Variants in KANSL3 observed in about 807,000 individuals in gnomAD.
The protein encoded by KANSL3 is KAT8 regulatory NSL complex subunit 3.
Under a neutral mutation model 89.2 loss-of-function variants are expected in KANSL3, and 16 were observed. That is an observed-to-expected ratio of 0.18 (90% CI 0.12 to 0.27). KANSL3 has a LOEUF of 0.27. KANSL3 is among the 10% of genes least tolerant of loss of function. The pLI, the probability that KANSL3 is intolerant of heterozygous loss-of-function variation, is 1.00. For missense variants in KANSL3, 879 were observed against 1,110.6 expected, an observed-to-expected ratio of 0.79 and a Z score of 2.96; for synonymous variants, 385 against 419.7, an observed-to-expected ratio of 0.92 and a Z score of 1.01.
chr2:96,584,701 T>TTATA, the KANSL3 span, among the ~76,000 whole-genome samples: 3 of 151,782 alleles, frequency 2.0e-5, no homozygotes, highest in Non-Finnish European at 4.4e-5. Flanking sequence ...AATGACAGAA[T>TTATA]TTTTTTTTAA....
At chr2:96,612,763 T>A (rs2069236341) in intron 7 of KANSL3, 55 bp downstream of exon 7, 1 of 1,401,952 alleles carries the variant, frequency 7.1e-7, no homozygotes, top group Non-Finnish European at 9.9e-7. Flanking sequence ...TTCTCCTCAA[T>A]CCTCCAAGAC....
intron 3 of KANSL3, among the ~76,000 whole-genome samples, chr2:96,627,523 CA>C (rs1424466610): frequency 1.3e-5 from 2 of 152,086 alleles, no homozygotes; most frequent in East Asian, 3.8e-4. Context: ...CCTATATACA[CA>C]AAGCTATCTG....
chr2:96,601,175 G>A (rs2067129086), intron 20 of KANSL3: 1 of 377,012 alleles, frequency 2.7e-6, no homozygotes, highest in East Asian at 1.6e-4. Context: ...GGCTGAGGCA[G>A]GAGAATTGCT....
chr2:96,586,289 A>G, the KANSL3 span, among the ~76,000 whole-genome samples: 2 of 152,100 alleles, frequency 1.3e-5, no homozygotes, highest in African/African-American at 4.8e-5. Flanking sequence ...GGGGTGATTA[A>G]AATACTACAC....
chr2:96,584,958 C>G, the KANSL3 span, among the ~76,000 whole-genome samples: 1 of 152,206 alleles, frequency 6.6e-6, no homozygotes, highest in East Asian at 1.9e-4. Context: ...TTAATGACTT[C>G]TTGAAGCGAA....
intron 16 of KANSL3, 65 bp from the exon 17 acceptor site, chr2:96,604,445 G>C (rs2067661252): frequency 1.3e-6 from 2 of 1,571,406 alleles, no homozygotes; most frequent in African/African-American, 2.7e-5. Context: ...AGCAACACTG[G>C]CAGGGTACAG....
intron 5 of KANSL3, among the ~76,000 whole-genome samples, chr2:96,619,023 T>C (rs2070749917): frequency 6.6e-6 from 1 of 152,208 alleles, no homozygotes; most frequent in African/African-American, 2.4e-5. Context: ...TTCTGTCACC[T>C]TTCTCAACAA....
chr2:96,591,357 A>G (rs1251805989), downstream of KANSL3, among the ~76,000 whole-genome samples: 1 of 152,168 alleles, frequency 6.6e-6, no homozygotes, highest in Non-Finnish European at 1.5e-5. Context: ...ATGCAACTAT[A>G]AAGGGGTGGC....
the KANSL3 span, among the ~76,000 whole-genome samples, chr2:96,581,548 T>G: frequency 2.0e-5 from 3 of 152,192 alleles, no homozygotes; most frequent in Non-Finnish European, 2.9e-5. Context: ...TTTCCACGAG[T>G]GCTTCAACAT....
chr2:96,591,051 G>C (rs2066267184), downstream of KANSL3, among the ~76,000 whole-genome samples: 1 of 152,140 alleles, frequency 6.6e-6, no homozygotes, highest in Admixed American at 6.5e-5. Context: ...TGCCACAGTA[G>C]CTTTATCTGT....
rs1444784503 is a variant in KANSL3, at chr2:96,593,278, A to G, written c.*2333T>C. On this transcript the variant is annotated 3_prime_UTR_variant, in exon 21 of 21. Coordinates refer to ENST00000431828, the MANE Select transcript of KANSL3 (RefSeq NM_001115016.3). ...CAAGACTGTTCTAGTGGTGAAACCA[A>G]GAGTAGACAGGTCTTCCTACCTCAG... 1 of 455,994 alleles carries G rather than the reference A, an allele frequency of 2.2e-6. No individual in the cohort carries two copies. Among genetic ancestry groups the G allele is most frequent in the East Asian group, 6.9e-5 (1 of 14,412 alleles). The allele number at this position is 455,994 out of a possible 1,614,324, so 28.2% of individuals were successfully genotyped here.
intron 5 of KANSL3, among the ~76,000 whole-genome samples, chr2:96,616,770 C>T (rs2070208850): frequency 6.6e-6 from 1 of 152,190 alleles, no homozygotes; most frequent in South Asian, 2.1e-4. Context: ...TTCCAGTCAA[C>T]CCACACCGTG....
the KANSL3 span, among the ~76,000 whole-genome samples, chr2:96,584,856 T>C: frequency 6.6e-6 from 1 of 152,246 alleles, no homozygotes; most frequent in Non-Finnish European, 1.5e-5. Flanking sequence ...TCTTTGTGTG[T>C]CAGATCTTCT....
intron 9 of KANSL3, among the ~76,000 whole-genome samples, chr2:96,611,538 G>C (rs1029742954): frequency 2.0e-4 from 30 of 152,122 alleles, no homozygotes; most frequent in African/African-American, 7.0e-4. Flanking sequence ...GAACTTAATG[G>C]ATAGCTACCA....
intron 5 of KANSL3, chr2:96,615,458 T>C (rs911468098): frequency 5.9e-6 from 7 of 1,186,382 alleles, no homozygotes; most frequent in Admixed American, 2.5e-5. Context: ...ATTACAGATG[T>C]GCAAATATAG....
At chr2:96,607,622 C>G (rs1318894943) in intron 14 of KANSL3, among the ~76,000 whole-genome samples, 2 of 152,208 alleles carry the variant, frequency 1.3e-5, no homozygotes, top group Admixed American at 6.5e-5. Context: ...CTCAACTCCT[C>G]CCATCCACTC....
intron 7 of KANSL3, 88 bp from the exon 8 acceptor site, chr2:96,612,651 G>A: frequency 8.0e-7 from 1 of 1,243,324 alleles, no homozygotes; most frequent in South Asian, 1.3e-5. Context: ...CAAAACCTTG[G>A]AATTCCACAT....
At chr2:96,615,465 A>G in intron 5 of KANSL3, 1 of 1,230,344 alleles carries the variant, frequency 8.1e-7, no homozygotes, top group Non-Finnish European at 1.1e-6. Context: ...ATGTGCAAAT[A>G]TAGGTTTCAG....
chr2:96,624,153 C>A (rs2105942168), intron 3 of KANSL3, among the ~76,000 whole-genome samples: 1 of 152,340 alleles, frequency 6.6e-6, no homozygotes, highest in South Asian at 2.1e-4. Context: ...TGCCTTGGAA[C>A]TGGGAAGGTT....
Sources: gnomAD v4.1 joint callset for allele counts (sites outside exome capture counted in the v4.1 genomes callset) on GRCh38, gnomAD v4.1.1 for gene constraint, MANE v1.5 for transcripts, NCBI Gene and HGNC (gene_info 2026-07-23, HGNC 2026-07-21) for gene names.